The following MFSD8 variants were observed in gnomAD, a reference collection of about 807,000 sequenced individuals.
MFSD8 encodes the protein major facilitator superfamily domain containing 8, also known as major facilitator superfamily domain-containing protein 8.
In MFSD8, 55 loss-of-function variants were observed where a neutral mutation model predicts 66.4. The ratio of observed to expected loss-of-function variants is 0.83; its 90% CI spans 0.67 to 1.04. MFSD8 has a LOEUF of 1.04. Ranked by LOEUF, MFSD8 falls within the 50% of genes least tolerant of loss-of-function variation. MFSD8 has a pLI of 0.00. For missense variants in MFSD8, 550 were observed against 627.6 expected, an observed-to-expected ratio of 0.88 and a Z score of 1.32; for synonymous variants, 202 against 212.8, an observed-to-expected ratio of 0.95 and a Z score of 0.44.
At chr4:127,936,435 GT>G (rs1310863586) in intron 7 of MFSD8, among the ~76,000 whole-genome samples, 2 of 150,786 alleles carry the variant, frequency 1.3e-5, no homozygotes, top group Non-Finnish European at 3.0e-5. Context: ...AATACTAAAA[GT>G]TATTTGTTTC....
chr4:127,942,034 A>C lies in MFSD8; in HGVS notation c.553+11T>G, dbSNP rs1353886565. ...TTCAAATTCAAGTAATGACATGTGA[A>C]GAACACCTACCTGGACCTAGAATAA... On this transcript the variant is annotated intron_variant, in intron 5 of 11. Coordinates refer to ENST00000641686, the MANE Select transcript of MFSD8 (RefSeq NM_001371596.2). 1 of 1,600,018 alleles carries C rather than the reference A, an allele frequency of 6.2e-7. No individual in the cohort carries two copies. The highest frequency in any genetic ancestry group is 8.6e-7 in the Non-Finnish European group (1 of 1,167,372).
intron 3 of MFSD8, among the ~76,000 whole-genome samples, chr4:127,947,660 A>C (rs1345343470): frequency 6.6e-6 from 1 of 152,012 alleles, no homozygotes; most frequent in African/African-American, 2.4e-5. Flanking sequence ...AGTGAATAAA[A>C]GACAGTGAGG....
At chr4:127,949,977 TTATG>T in intron 2 of MFSD8, 130 bp from the exon 3 acceptor site, 2 of 668,666 alleles carry the variant, frequency 3.0e-6, no homozygotes, top group Non-Finnish European at 5.0e-6. Flanking sequence ...AATGCCTAAT[TTATG>T]AGGCAATGAG....
At chr4:127,938,693 A>C in intron 7 of MFSD8, 90 bp downstream of exon 7, 1 of 1,058,502 alleles carries the variant, frequency 9.4e-7, no homozygotes, top group Non-Finnish European at 1.4e-6. Context: ...TTGTCCTCAG[A>C]AGCAAAATCG....
At chr4:127,961,176 A>G (rs1042500630) in intron 1 of MFSD8, among the ~76,000 whole-genome samples, 11 of 152,182 alleles carry the variant, frequency 7.2e-5, no homozygotes, top group Non-Finnish European at 1.3e-4. Context: ...TTTGTGCAAT[A>G]TATTCAAAGT....
intron 4 of MFSD8, chr4:127,943,506 C>T (rs1740542560): frequency 2.2e-6 from 1 of 456,376 alleles, no homozygotes; most frequent in Non-Finnish European, 4.0e-6. Context: ...AGGCACGTGC[C>T]ACCACACCTG....
chr4:127,957,389 T>G (rs1743066720), intron 2 of MFSD8, 112 bp downstream of exon 2: 2 of 813,668 alleles, frequency 2.5e-6, no homozygotes, highest in Non-Finnish European at 4.1e-6. Flanking sequence ...ATGTCACGTA[T>G]TTTTTAGCAC....
chr4:127,957,617 G>A (rs371159142), intron 1 of MFSD8, 25 bp from the exon 2 acceptor site: 1 of 1,498,970 alleles, frequency 6.7e-7, no homozygotes, highest in Non-Finnish European at 9.3e-7. Flanking sequence ...GAAAAAAGTA[G>A]TATAAATTTA....
At chr4:127,949,766 T>G in intron 3 of MFSD8, 38 bp downstream of exon 3, 1 of 1,573,420 alleles carries the variant, frequency 6.4e-7, no homozygotes, top group Non-Finnish European at 8.7e-7. Context: ...TTACTACTAC[T>G]GTAGCTATAA....
chr4:127,933,307 T>C, intron 7 of MFSD8: 1 of 438,362 alleles, frequency 2.3e-6, no homozygotes, highest in Non-Finnish European at 4.2e-6. Flanking sequence ...TGCAGTGTCA[T>C]GATCACAGCT....
chr4:127,928,709 T>G (rs1378218659), intron 9 of MFSD8, among the ~76,000 whole-genome samples: 1 of 152,168 alleles, frequency 6.6e-6, no homozygotes, highest in Non-Finnish European at 1.5e-5. Flanking sequence ...AAAATGGAAC[T>G]GCCATATGAA....
At chr4:127,965,235 G>T, upstream of MFSD8, 5 of 1,420,306 alleles carry the variant, frequency 3.5e-6, no homozygotes, top group East Asian at 7.1e-5. Context: ...GTAAGTGCGC[G>T]TGCGCACCTG....
chr4:127,944,373 C>T (rs562999296), intron 3 of MFSD8, among the ~76,000 whole-genome samples: 40 of 152,154 alleles, frequency 2.6e-4, no homozygotes, highest in African/African-American at 7.5e-4. Flanking sequence ...CTACCCTATA[C>T]GTTAAACAGC....
chr4:127,947,577 CAA>C (rs995388172), intron 3 of MFSD8, among the ~76,000 whole-genome samples: 13 of 56,792 alleles, frequency 2.3e-4, no homozygotes, highest in Admixed American at 4.0e-4. Flanking sequence ...GACTCCATTG[CAA>C]AAAAAAAAAA....
At chr4:127,943,145 C>A (rs548850840) in intron 4 of MFSD8, among the ~76,000 whole-genome samples, 3 of 150,584 alleles carry the variant, frequency 2.0e-5, no homozygotes, top group Non-Finnish European at 4.4e-5. Context: ...TGAACCCAGG[C>A]AGGTAGAGGA....
chr4:127,957,533 A>C lies in MFSD8; in HGVS notation c.122T>G (p.Ile41Ser). Residue 41 changes from isoleucine (I) to serine (S), a missense_variant, in exon 2 of 12, where the codon ATT (isoleucine) becomes AGT (serine). Transcript: ENST00000641686. ...HYKSRWRSIR[I>S]LYLTMFLSSV... is the part of the protein sequence containing the mutation. ...GCTGAGAAACATAGTAAGATATAAA[A>C]TCCTAATAGATCTCCATCGGCTCTT... 6.2e-7 allele frequency: 1 copy of C among 1,611,624 alleles called. No individual in the cohort carries two copies. Among genetic ancestry groups the C allele is most frequent in the Non-Finnish European group, 8.5e-7 (1 of 1,178,042 alleles).
At chr4:127,935,731 T>C (rs1738958847) in intron 7 of MFSD8, among the ~76,000 whole-genome samples, 1 of 152,202 alleles carries the variant, frequency 6.6e-6, no homozygotes, top group Non-Finnish European at 1.5e-5. Context: ...ATGTTATTTA[T>C]CTATGCTAAT....
chr4:127,933,193 A>G (rs1462549450), intron 7 of MFSD8, 100 bp from the exon 8 acceptor site: 1 of 947,262 alleles, frequency 1.1e-6, no homozygotes, highest in Admixed American at 2.4e-5. Context: ...ATTTATAAAT[A>G]AACATTTAAA....
At chr4:127,930,252 AGTGTTGT>A (rs1251920607) in intron 9 of MFSD8, among the ~76,000 whole-genome samples, 1 of 151,910 alleles carries the variant, frequency 6.6e-6, no homozygotes. Flanking sequence ...AAAAAAAAAG[AGTGTTGT>A]GTGGTCTGGG....
Sources: gnomAD v4.1 joint callset for allele counts (sites outside exome capture counted in the v4.1 genomes callset) on GRCh38, gnomAD v4.1.1 for gene constraint, MANE v1.5 for transcripts, NCBI Gene and HGNC (gene_info 2026-07-23, HGNC 2026-07-21) for gene names.